Variants in C1QTNF3 observed in about 807,000 individuals in gnomAD.
C1QTNF3 encodes the protein C1q and TNF related 3, also known as complement C1q tumor necrosis factor-related protein 3.
C1QTNF3 carries 26 observed loss-of-function variants against 32.6 expected under a neutral mutation model. The observed-to-expected ratio is 0.80, with a 90% CI of 0.58 to 1.11. The LOEUF is 1.11. C1QTNF3 is among the 50% of genes least tolerant of loss of function. The pLI is 0.00. For missense variants in C1QTNF3, 362 were observed against 398.2 expected, an observed-to-expected ratio of 0.91 and a Z score of 0.77; for synonymous variants, 155 against 146.0, an observed-to-expected ratio of 1.06 and a Z score of -0.44.
At chr5:34,103,236 C>T in the C1QTNF3 span, among the ~76,000 whole-genome samples, 24 of 152,094 alleles carry the variant, frequency 1.6e-4, no homozygotes, top group African/African-American at 5.8e-4. Flanking sequence ...CAGAATCCCA[C>T]CTTTGTTAGA....
chr5:34,203,837 T>A, the C1QTNF3 span, among the ~76,000 whole-genome samples: 189 of 151,710 alleles, frequency 1.2e-3, no homozygotes, highest in African/African-American at 4.4e-3. Flanking sequence ...AGATACTCCA[T>A]GTAATGGAGA....
the C1QTNF3 span, among the ~76,000 whole-genome samples, chr5:34,079,613 G>A: frequency 6.6e-6 from 1 of 151,670 alleles, no homozygotes. Flanking sequence ...TAAAAAATAA[G>A]TAAATCCTGC....
the C1QTNF3 span, among the ~76,000 whole-genome samples, chr5:34,068,881 A>G: frequency 3.3e-5 from 5 of 152,158 alleles, no homozygotes; most frequent in African/African-American, 1.2e-4. Context: ...ATTCTTAATT[A>G]TTTGATTAGT....
chr5:34,088,231 T>C, the C1QTNF3 span, among the ~76,000 whole-genome samples: 1 of 152,188 alleles, frequency 6.6e-6, no homozygotes, highest in Non-Finnish European at 1.5e-5. Flanking sequence ...CTACATAATG[T>C]CCCAATTCCT....
chr5:34,223,872 C>T, the C1QTNF3 span, among the ~76,000 whole-genome samples: 1 of 152,116 alleles, frequency 6.6e-6, no homozygotes, highest in Non-Finnish European at 1.5e-5. Context: ...TCCCTGTTTG[C>T]AGATGACATG....
chr5:34,136,117 A>C, the C1QTNF3 span, among the ~76,000 whole-genome samples: 5 of 152,238 alleles, frequency 3.3e-5, no homozygotes, highest in African/African-American at 4.8e-5. Flanking sequence ...AAACACCAAA[A>C]GCAATGGCAA....
the C1QTNF3 span, among the ~76,000 whole-genome samples, chr5:34,083,197 C>A: frequency 1.3e-5 from 2 of 150,386 alleles, no homozygotes; most frequent in African/African-American, 5.0e-5. Flanking sequence ...ATATAGCAGA[C>A]CCAATGGCTC....
the C1QTNF3 span, among the ~76,000 whole-genome samples, chr5:34,241,319 C>T: frequency 6.6e-6 from 1 of 151,554 alleles, no homozygotes; most frequent in Non-Finnish European, 1.5e-5. Flanking sequence ...AGAAAAGCAC[C>T]CAAATAGGAA....
the C1QTNF3 span, among the ~76,000 whole-genome samples, chr5:34,173,229 AGCAACTTTAT>A: frequency 6.6e-6 from 1 of 152,290 alleles, no homozygotes; most frequent in Non-Finnish European, 1.5e-5. Context: ...AATTTAGTAA[AGCAACTTTAT>A]AATTTTGCCA....
intron 1 of C1QTNF3, among the ~76,000 whole-genome samples, chr5:34,037,780 A>G (rs905019733): frequency 1.3e-5 from 2 of 152,186 alleles, no homozygotes; most frequent in African/African-American, 2.4e-5. Flanking sequence ...ATTTTATCTG[A>G]GGGATTTCAG....
At chr5:34,214,198 AC>A in the C1QTNF3 span, among the ~76,000 whole-genome samples, 1 of 152,102 alleles carries the variant, frequency 6.6e-6, no homozygotes, top group Non-Finnish European at 1.5e-5. Context: ...AAGTAAAGCA[AC>A]GGAAAAAGCA....
the C1QTNF3 span, among the ~76,000 whole-genome samples, chr5:34,124,848 T>C: frequency 6.6e-6 from 1 of 152,220 alleles, no homozygotes. Context: ...CAAAAGTGAT[T>C]GATTCTCCAC....
the C1QTNF3 span, among the ~76,000 whole-genome samples, chr5:34,056,450 G>GTATATA: frequency 2.1e-5 from 1 of 48,636 alleles, no homozygotes; most frequent in African/African-American, 7.7e-5. Context: ...GTGTGTGTGT[G>GTATATA]TGTGTATATA....
At chr5:34,239,117 C>T in the C1QTNF3 span, among the ~76,000 whole-genome samples, 2 of 152,096 alleles carry the variant, frequency 1.3e-5, no homozygotes, top group African/African-American at 4.8e-5. Context: ...TCAACTTGAC[C>T]AGCCTTATGA....
the C1QTNF3 span, among the ~76,000 whole-genome samples, chr5:34,082,803 G>C: frequency 6.6e-6 from 1 of 151,684 alleles, no homozygotes; most frequent in African/African-American, 2.4e-5. Flanking sequence ...GCTTCAATGT[G>C]CAATGAGACA....
chr5:34,195,504 C>T, the C1QTNF3 span, among the ~76,000 whole-genome samples: 1 of 151,686 alleles, frequency 6.6e-6, no homozygotes, highest in African/African-American at 2.4e-5. Context: ...AATATATCAG[C>T]CTATTACCAT....
At chr5:34,054,593 A>G in the C1QTNF3 span, among the ~76,000 whole-genome samples, 2 of 152,228 alleles carry the variant, frequency 1.3e-5, no homozygotes, top group Non-Finnish European at 2.9e-5. Flanking sequence ...CCACTGGTCT[A>G]TTCTAAGCCT....
chr5:34,223,701 T>G, the C1QTNF3 span, among the ~76,000 whole-genome samples: 1 of 152,134 alleles, frequency 6.6e-6, no homozygotes, highest in Non-Finnish European at 1.5e-5. Context: ...GACTTTTTAA[T>G]GATTGCCATT....
At chr5:34,165,433 C>A in the C1QTNF3 span, 2 of 152,050 alleles carry the variant, frequency 1.3e-5, no homozygotes, top group East Asian at 1.9e-4. Context: ...TCTGAGAGAA[C>A]CCAGCCTAAT....
Sources: allele counts gnomAD v4.1 joint callset (sites outside exome capture counted in the v4.1 genomes callset), GRCh38; gene constraint gnomAD v4.1.1; transcripts MANE v1.5; gene names NCBI Gene and HGNC (gene_info 2026-07-23, HGNC 2026-07-21).